Variants in PWWP3A observed in about 807,000 individuals in gnomAD.
PWWP3A encodes PWWP domain containing 3A, DNA repair factor.
A neutral mutation model predicts 79.0 loss-of-function variants in PWWP3A; 53 were observed. The observed-to-expected ratio is 0.67, with a 90% CI of 0.54 to 0.84. PWWP3A has a LOEUF of 0.84. PWWP3A is among the 40% of genes least tolerant of loss of function. The pLI is 0.00. For synonymous variants in PWWP3A, 443 were observed against 394.4 expected, an observed-to-expected ratio of 1.12 and a Z score of -1.46; for missense variants, 973 against 948.0, an observed-to-expected ratio of 1.03 and a Z score of -0.35.
chr19:1,362,229 C>T, intron 5 of PWWP3A, 21 bp from the exon 6 acceptor site: 1 of 1,595,316 alleles, frequency 6.3e-7, no homozygotes, highest in Non-Finnish European at 8.6e-7. Flanking sequence ...CCATGAAAGT[C>T]TAATATCACA....
intron 3 of PWWP3A, 45 bp from the exon 4 acceptor site, chr19:1,358,349 G>A (rs777920838): frequency 1.3e-6 from 2 of 1,492,286 alleles, no homozygotes; most frequent in Non-Finnish European, 1.9e-6. Flanking sequence ...AAAATGTCTT[G>A]GCGGCGTTGG....
rs748892514 is a variant in PWWP3A, at chr19:1,362,239, A to G, written c.1112-11A>G. 5 of 1,605,766 alleles carry G rather than the reference A, an allele frequency of 3.1e-6. No individual in the cohort carries two copies. The highest frequency in any genetic ancestry group is 1.7e-5 in the Admixed American group (1 of 57,900). On this transcript the variant is annotated splice_polypyrimidine_tract_variant and intron_variant, in intron 5 of 13. Coordinates refer to ENST00000591337, the MANE Select transcript of PWWP3A (RefSeq NM_001369789.1). ...AATGACCATGAAAGTCTAATATCAC[A>G]TTATTGGCAGAGTGCCAGTCTTCCG...
At chr19:1,365,298 G>T (rs969089770) in intron 7 of PWWP3A, among the ~76,000 whole-genome samples, 8 of 152,256 alleles carry the variant, frequency 5.3e-5, no homozygotes, top group African/African-American at 1.9e-4. Context: ...AGCCGGGGCA[G>T]ATTCTCTGCT....
At chr19:1,358,079 A>G (rs1054210155) in intron 3 of PWWP3A, 12 of 325,910 alleles carry the variant, frequency 3.7e-5, no homozygotes, top group Non-Finnish European at 6.1e-5. Context: ...TACTCTGAAA[A>G]TCTAACAAAG....
chr19:1,376,484 T>G (rs1180481847), intron 13 of PWWP3A, 35 bp from the exon 14 acceptor site: 2 of 1,604,528 alleles, frequency 1.2e-6, no homozygotes, highest in African/African-American at 2.7e-5. Flanking sequence ...CACACAATGA[T>G]TAATTACTAA....
intron 2 of PWWP3A, 49 bp downstream of exon 2, chr19:1,356,498 T>A: frequency 6.3e-7 from 1 of 1,581,980 alleles, no homozygotes; most frequent in Non-Finnish European, 8.7e-7. Flanking sequence ...GACTTTCGGG[T>A]GACAAGTAAA....
chr19:1,363,621 C>T (rs954314843), intron 6 of PWWP3A, among the ~76,000 whole-genome samples: 3 of 152,226 alleles, frequency 2.0e-5, no homozygotes, highest in Admixed American at 6.5e-5. Context: ...GTTTTGCTCC[C>T]GTTTGGTTTT....
chr19:1,362,788 G>A (rs2082048148), intron 6 of PWWP3A, among the ~76,000 whole-genome samples: 1 of 152,238 alleles, frequency 6.6e-6, no homozygotes, highest in Non-Finnish European at 1.5e-5. Flanking sequence ...AGAGTGAACT[G>A]CTCCCGCGCC....
chr19:1,362,718 G>A (rs1029331890), intron 6 of PWWP3A, among the ~76,000 whole-genome samples: 4 of 152,240 alleles, frequency 2.6e-5, no homozygotes, highest in African/African-American at 4.8e-5. Flanking sequence ...GTACTGTCTC[G>A]CGGCTTCCGT....
chr19:1,365,318 G>T (rs770455657), intron 7 of PWWP3A, among the ~76,000 whole-genome samples: 26 of 152,254 alleles, frequency 1.7e-4, no homozygotes, highest in Non-Finnish European at 3.5e-4. Flanking sequence ...TTCTGTCTCT[G>T]CAGGCCTGGA....
At chr19:1,358,319 T>C (rs2081929725) in intron 3 of PWWP3A, 75 bp from the exon 4 acceptor site, 2 of 1,346,564 alleles carry the variant, frequency 1.5e-6, no homozygotes, top group South Asian at 2.5e-5. Context: ...TCTTTTGTTA[T>C]CTAAAGGAAA....
chr19:1,378,115 C>G lies in PWWP3A; in HGVS notation c.*1539C>G, dbSNP rs904369169. The stretch of plus-strand genomic sequence containing the variant: ...CTTGTCTGGAGCAGTGGGGCACACC[C>G]CGGAGGAGGCGGGGGTCAGGGCTGT... On this transcript the variant is annotated 3_prime_UTR_variant, in exon 14 of 14. Transcript: ENST00000591337. 1 of 152,292 alleles carries G rather than the reference C, an allele frequency of 6.6e-6. No homozygotes were observed. The highest frequency in any genetic ancestry group is 6.5e-5 in the Admixed American group (1 of 15,280). The allele number at this position is 152,292 out of a possible 1,614,324, so 9.4% of individuals were successfully genotyped here. A position where few individuals can be genotyped will look rare whatever the true frequency, so the allele number is the denominator to read the frequency against.
chr19:1,367,542 C>T (rs1028401621), intron 9 of PWWP3A, among the ~76,000 whole-genome samples: 3 of 152,248 alleles, frequency 2.0e-5, no homozygotes, highest in African/African-American at 7.2e-5. Context: ...AGGCCACCGC[C>T]TTCCCTGGCC....
At chr19:1,371,816 T>TC (rs1331556135) in intron 12 of PWWP3A, among the ~76,000 whole-genome samples, 8 of 150,440 alleles carry the variant, frequency 5.3e-5, no homozygotes, top group African/African-American at 2.0e-4. Flanking sequence ...TTTTTTTTTT[T>TC]TTTTTTTTTG....
rs1214961728 is a variant in PWWP3A, at chr19:1,378,237, G to C, written c.*1661G>C. ...CAGCAGCGTTGCATGTACGGGCCTCGTACTGCCTCATGGAAAATCCTCCGG... is the reference window on the plus strand; with the variant it reads ...CAGCAGCGTTGCATGTACGGGCCTCCTACTGCCTCATGGAAAATCCTCCGG... On this transcript the variant is annotated 3_prime_UTR_variant, in exon 14 of 14. Transcript: ENST00000591337. 3.3e-5 allele frequency: 5 copies of C among 152,264 alleles called. No homozygotes were observed. Among genetic ancestry groups the C allele is most frequent in the East Asian group, 3.9e-4 (2 of 5,194 alleles). 9.4% of individuals were successfully genotyped at this position (152,264 alleles called of 1,614,324 possible).
intron 6 of PWWP3A, among the ~76,000 whole-genome samples, chr19:1,363,931 A>T (rs1041439408): frequency 6.6e-6 from 1 of 152,188 alleles, no homozygotes; most frequent in Non-Finnish European, 1.5e-5. Context: ...GACTGTTTCC[A>T]GTAGTTTTTC....
At chr19:1,376,160 C>CT (rs1348611406) in intron 13 of PWWP3A, among the ~76,000 whole-genome samples, 2 of 141,420 alleles carry the variant, frequency 1.4e-5, no homozygotes, top group African/African-American at 5.4e-5. Flanking sequence ...GAATTTAGCT[C>CT]TGTCGCCCAG....
chr19:1,376,291 G>GTTTT lies in PWWP3A; in HGVS notation c.2076-225_2076-224insTTTT, dbSNP rs1350699607. Among the ~76,000 whole-genome samples the GTTTT allele has an allele frequency of 8.6e-3, 436 of 50,740 alleles. 29 individuals are homozygous for GTTTT. Among genetic ancestry groups the GTTTT allele is most frequent in the Middle Eastern group, 0.019 (1 of 52 alleles). 33.3% of individuals were successfully genotyped at this position (50,740 alleles called of 152,430 possible). A position where few individuals can be genotyped will look rare whatever the true frequency, so the allele number is the denominator to read the frequency against. ...CAGACATGCGCCACCACGCCCGGCT[G>GTTTT]TTTGTTTTTTTTTTTGTTTGTTTTT... On this transcript the variant is annotated intron_variant, in intron 13 of 13. Transcript: ENST00000591337.
intron 12 of PWWP3A, 75 bp from the exon 13 acceptor site, chr19:1,372,997 G>A (rs1200641892): frequency 2.2e-5 from 29 of 1,316,858 alleles, no homozygotes; most frequent in Non-Finnish European, 2.9e-5. Context: ...GGCTCCCTGC[G>A]GCCTTCTTAA....
Sources: allele counts gnomAD v4.1 joint callset (sites outside exome capture counted in the v4.1 genomes callset), GRCh38; gene constraint gnomAD v4.1.1; transcripts MANE v1.5; gene names NCBI Gene and HGNC (gene_info 2026-07-23, HGNC 2026-07-21).